Variants in MYZAP observed in about 807,000 individuals in gnomAD.
MYZAP encodes myocardial zonula adherens protein.
A neutral mutation model predicts 69.4 loss-of-function variants in MYZAP; 66 were observed. The ratio of observed to expected loss-of-function variants is 0.95; its 90% CI spans 0.78 to 1.17. The LOEUF is 1.17. Among genes scored for constraint, MYZAP ranks in the 50% most tolerant of loss-of-function variants. MYZAP has a pLI of 0.00. For synonymous variants in MYZAP, 256 were observed against 205.9 expected, an observed-to-expected ratio of 1.24 and a Z score of -2.09; for missense variants, 611 against 556.2, an observed-to-expected ratio of 1.10 and a Z score of -0.99.
At chr15:57,634,255 A>G (rs1032293106) in intron 8 of MYZAP, among the ~76,000 whole-genome samples, 4 of 152,078 alleles carry the variant, frequency 2.6e-5, no homozygotes, top group African/African-American at 7.2e-5. Context: ...GTGAAAGGGA[A>G]GAGGCCAGGA....
chr15:57,634,898 C>T (rs1414685194), intron 8 of MYZAP, among the ~76,000 whole-genome samples: 1 of 152,166 alleles, frequency 6.6e-6, no homozygotes, highest in African/African-American at 2.4e-5. Context: ...GAAGATTGGG[C>T]AACAAGGGAG....
intron 3 of MYZAP, among the ~76,000 whole-genome samples, chr15:57,618,638 T>A (rs2035624688): frequency 6.6e-6 from 1 of 152,230 alleles, no homozygotes. Flanking sequence ...TTTCCTTGTA[T>A]TTAGTAGTTT....
rs1391330501 is a variant in MYZAP at position 57,592,054 on chromosome 15, C to G, written c.20C>G (p.Thr7Arg). 10 of 1,423,700 alleles carry G rather than the reference C, an allele frequency of 7.0e-6. No individual in the cohort carries two copies. The African/African-American group carries it at 1.0e-4, about 15-fold the overall frequency. The allele number at this position is 1,423,700 out of a possible 1,614,324, so 88.2% of individuals were successfully genotyped here. The change falls in exon 1 of 13, where the codon ACG becomes AGG. Residue 7 changes from threonine to arginine, a missense_variant. Coordinates refer to ENST00000267853, the MANE Select transcript of MYZAP (RefSeq NM_001018100.5). MLRSTS[T>R]VTLLSGGAAR... ...TGCGGGATGCTGCGCTCCACGTCCA[C>G]GGTCACCCTGCTCTCGGGCGGCGCC...
At chr15:57,612,037 T>A (rs567635461) in intron 2 of MYZAP, among the ~76,000 whole-genome samples, 1 of 152,206 alleles carries the variant, frequency 6.6e-6, no homozygotes, top group Non-Finnish European at 1.5e-5. Context: ...GTATGAGTAA[T>A]GACCTGGGCC....
chr15:57,599,584 A>T, intron 1 of MYZAP: 2 of 1,287,620 alleles, frequency 1.6e-6, no homozygotes, highest in Middle Eastern at 2.1e-4. Context: ...TGCTTTGGGA[A>T]CCCCTGGGAA....
At chr15:57,605,945 C>T (rs761204676) in intron 2 of MYZAP, among the ~76,000 whole-genome samples, 27 of 152,034 alleles carry the variant, frequency 1.8e-4, no homozygotes, top group Middle Eastern at 6.8e-3. Context: ...AAAAAAAATC[C>T]ATACGTTTGT....
chr15:57,678,052 A>T (rs1168208583), intron 12 of MYZAP, among the ~76,000 whole-genome samples: 2 of 151,352 alleles, frequency 1.3e-5, no homozygotes, highest in African/African-American at 4.9e-5. Flanking sequence ...AAAAAAAAAA[A>T]AAAAAAAAAA....
rs200548712 is a variant in MYZAP, at chr15:57,618,196, A to G, written c.318+8A>G. 2.5e-6 allele frequency: 4 copies of G among 1,612,426 alleles called. No individual in the cohort carries two copies. The highest frequency in any genetic ancestry group is 3.4e-6 in the Non-Finnish European group (4 of 1,179,312). On this transcript the variant is annotated splice_region_variant and intron_variant, in intron 3 of 12. Coordinates refer to ENST00000267853, the MANE Select transcript of MYZAP (RefSeq NM_001018100.5). ...ATGAACTACATCAAAGATGTGAGCC[A>G]TTTAAGAGTTTTTGCCCCCCACCTG...
At chr15:57,605,579 A>G (rs561041265) in intron 2 of MYZAP, among the ~76,000 whole-genome samples, 2 of 152,288 alleles carry the variant, frequency 1.3e-5, no homozygotes, top group African/African-American at 4.8e-5. Context: ...ACTTTCTACC[A>G]AGGACAGAGA....
Position 57,661,507 on chromosome 15 carries a change from G to A in MYZAP, c.1177G>A (p.Glu393Lys), listed in dbSNP as rs149675098. ...ACAGCTCTTAATACTGCAGCTTTTA[G>A]AAAAGATATCTTTCTTAGAAGGAGA... is the stretch of plus-strand genomic sequence containing the variant. ...QKQLLILQLL[E>K]KISFLEGENN... Residue 393 changes from glutamate to lysine, a missense_variant, in exon 11 of 13, where the codon GAA becomes AAA. By Grantham distance (56) the Glu-to-Lys change is moderately conservative. Coordinates refer to ENST00000267853, the MANE Select transcript of MYZAP (RefSeq NM_001018100.5). 52 of 1,610,072 alleles carry A rather than the reference G, an allele frequency of 3.2e-5. No individual in the cohort carries two copies. The highest frequency in any genetic ancestry group is 1.8e-4 in the Middle Eastern group (1 of 5,644).
rs1299549362 is a variant in MYZAP, at chr15:57,685,072, T to G, written c.*574T>G. 6.6e-6 allele frequency: 1 copy of G among 152,204 alleles called. No homozygotes were observed. Among genetic ancestry groups the G allele is most frequent in the East Asian group, 1.9e-4 (1 of 5,192 alleles). The allele number at this position is 152,204 out of a possible 1,614,324, so 9.4% of individuals were successfully genotyped here. On this transcript the variant is annotated 3_prime_UTR_variant, in exon 13 of 13. Coordinates refer to ENST00000267853, the MANE Select transcript of MYZAP (RefSeq NM_001018100.5). ...CGTGGGAGCCACACTGAGAGACTTG[T>G]GTGGGCCAGACAAGCTTCATTCTGA...
At chr15:57,597,162 G>A (rs2255259) in intron 1 of MYZAP, among the ~76,000 whole-genome samples, 1 of 151,846 alleles carries the variant, frequency 6.6e-6, no homozygotes, top group Non-Finnish European at 1.5e-5. Context: ...AGGTGAGGAG[G>A]TTGACAGTTC....
intron 3 of MYZAP, among the ~76,000 whole-genome samples, chr15:57,619,029 G>C (rs2035648140): frequency 6.6e-6 from 1 of 152,206 alleles, no homozygotes; most frequent in Non-Finnish European, 1.5e-5. Flanking sequence ...GGCCCAGCAA[G>C]TCACTTTTGC....
At chr15:57,600,883 C>G (rs567347565) in intron 1 of MYZAP, among the ~76,000 whole-genome samples, 1 of 152,116 alleles carries the variant, frequency 6.6e-6, no homozygotes, top group South Asian at 2.1e-4. Flanking sequence ...GTCTAAGACC[C>G]ATGTGGGCAA....
intron 8 of MYZAP, among the ~76,000 whole-genome samples, chr15:57,634,732 C>T (rs2036713205): frequency 6.6e-6 from 1 of 152,234 alleles, no homozygotes; most frequent in South Asian, 2.1e-4. Context: ...CGTTTTAGCT[C>T]TTTAGCTTTT....
chr15:57,666,424 T>C lies in MYZAP; in HGVS notation c.1203+4891T>C, dbSNP rs75727417. Reference sequence around the variant, plus strand: ...CTTTTAAAACAGAGAATATGGATTATTTTAGTCCCTGGATTCATCATTTGT... The same window carrying C: ...CTTTTAAAACAGAGAATATGGATTACTTTAGTCCCTGGATTCATCATTTGT... On this transcript the variant is annotated intron_variant, in intron 11 of 12. Coordinates refer to ENST00000267853, the MANE Select transcript of MYZAP (RefSeq NM_001018100.5). Among the ~76,000 whole-genome samples the C allele has an allele frequency of 3.0e-4, 45 of 152,278 alleles. No individual in the cohort carries two copies. The East Asian group carries it at 8.5e-3, about 29-fold the overall frequency.
chr15:57,673,728 A>G (rs563358087), intron 11 of MYZAP, among the ~76,000 whole-genome samples: 84 of 152,286 alleles, frequency 5.5e-4, no homozygotes, highest in African/African-American at 2.0e-3. Context: ...GCTCCTTGGT[A>G]TCAACCTTTC....
At chr15:57,629,097 A>C (rs1037421301) in intron 5 of MYZAP, among the ~76,000 whole-genome samples, 2 of 149,768 alleles carry the variant, frequency 1.3e-5, no homozygotes, top group Admixed American at 1.3e-4. Context: ...ACAAAAAAAA[A>C]AAAAAAAAAA....
At chr15:57,652,820 C>T (rs758728697) in intron 10 of MYZAP, among the ~76,000 whole-genome samples, 30 of 152,132 alleles carry the variant, frequency 2.0e-4, no homozygotes, top group Non-Finnish European at 4.0e-4. Flanking sequence ...TAATGGGGAT[C>T]TTCAAAGTAT....
Sources: allele counts gnomAD v4.1 joint callset (sites outside exome capture counted in the v4.1 genomes callset), GRCh38; gene constraint gnomAD v4.1.1; transcripts MANE v1.5; gene names NCBI Gene and HGNC (gene_info 2026-07-23, HGNC 2026-07-21).